UNC5C: variants seen among roughly 807,000 people sequenced by gnomAD.
UNC5C encodes the protein netrin receptor UNC5C.
UNC5C carries 47 observed loss-of-function variants against 99.8 expected under a neutral mutation model. That is an observed-to-expected ratio of 0.47 (90% CI 0.37 to 0.60). UNC5C has a LOEUF of 0.60. Ranked by LOEUF, UNC5C falls within the 20% of genes least tolerant of loss-of-function variation. UNC5C has a pLI of 0.00. For synonymous variants in UNC5C, 487 were observed against 452.2 expected, an observed-to-expected ratio of 1.08 and a Z score of -0.98; for missense variants, 1,062 against 1,165.9, an observed-to-expected ratio of 0.91 and a Z score of 1.30.
intron 1 of UNC5C, among the ~76,000 whole-genome samples, chr4:95,535,322 A>G (rs138086523): frequency 1.3e-5 from 2 of 152,272 alleles, no homozygotes; most frequent in East Asian, 3.9e-4. Flanking sequence ...ATTGGTCCAT[A>G]TGACATTCTT....
chr4:95,457,500 G>A (rs1303449325), intron 1 of UNC5C, among the ~76,000 whole-genome samples: 1 of 152,110 alleles, frequency 6.6e-6, no homozygotes, highest in Non-Finnish European at 1.5e-5. Flanking sequence ...AAGCACAAGA[G>A]ATTCTACTCT....
At chr4:95,474,373 C>A (rs1346633006) in intron 1 of UNC5C, among the ~76,000 whole-genome samples, 1 of 152,138 alleles carries the variant, frequency 6.6e-6, no homozygotes, top group Non-Finnish European at 1.5e-5. Flanking sequence ...TCACTGCAAC[C>A]TCCACCTCCT....
intron 12 of UNC5C, among the ~76,000 whole-genome samples, chr4:95,195,223 C>T (rs1389843154): frequency 6.6e-6 from 1 of 152,112 alleles, no homozygotes; most frequent in Non-Finnish European, 1.5e-5. Context: ...AATTACTGTC[C>T]TAAGAGGTCA....
intron 2 of UNC5C, among the ~76,000 whole-genome samples, chr4:95,322,766 C>T (rs993748959): frequency 2.0e-5 from 3 of 151,540 alleles, no homozygotes; most frequent in Non-Finnish European, 4.4e-5. Context: ...CAGTGAAATG[C>T]CGTCCCTACC....
chr4:95,232,666 A>G (rs2149374026), intron 7 of UNC5C, among the ~76,000 whole-genome samples: 1 of 152,266 alleles, frequency 6.6e-6, no homozygotes. Flanking sequence ...GGTGCTCCGT[A>G]GGTGTTCATT....
At chr4:95,413,051 T>C (rs551312357) in intron 1 of UNC5C, among the ~76,000 whole-genome samples, 2 of 152,262 alleles carry the variant, frequency 1.3e-5, no homozygotes, top group South Asian at 4.1e-4. Flanking sequence ...AACATATTGG[T>C]AAGCAAAGAA....
At chr4:95,267,543 G>A (rs1456429189) in intron 4 of UNC5C, among the ~76,000 whole-genome samples, 1 of 152,156 alleles carries the variant, frequency 6.6e-6, no homozygotes, top group African/African-American at 2.4e-5. Flanking sequence ...ATATCATTAA[G>A]CATTTAGGAA....
intron 4 of UNC5C, among the ~76,000 whole-genome samples, chr4:95,273,864 G>T (rs1042145087): frequency 6.6e-6 from 1 of 152,010 alleles, no homozygotes; most frequent in African/African-American, 2.4e-5. Flanking sequence ...TCAGACTGAT[G>T]GAGTCTGTCA....
rs541554446 is a variant in UNC5C at position 95,412,440 on chromosome 4, TAGACTGGA to T, written c.125-76817_125-76810del. The stretch of plus-strand genomic sequence containing the variant: ...TCTCATGTTAGGTCCCCTCCAATCC[TAGACTGGA>T]AGCTCCTTGAAGGAACTGACCTTTA... On this transcript the variant is annotated intron_variant, in intron 1 of 15. Coordinates refer to ENST00000453304, the MANE Select transcript of UNC5C (RefSeq NM_003728.4). Among the ~76,000 whole-genome samples the T allele has an allele frequency of 1.8e-4, 27 of 152,304 alleles. No homozygotes were observed. In the South Asian group the frequency reaches 5.6e-3, roughly 32 times the overall value.
intron 1 of UNC5C, among the ~76,000 whole-genome samples, chr4:95,547,147 C>T (rs947027557): frequency 6.6e-6 from 1 of 150,738 alleles, no homozygotes; most frequent in African/African-American, 2.4e-5. Flanking sequence ...GTGGAGATTC[C>T]TTTTTAAATA....
At chr4:95,429,228 T>C (rs1746565125) in intron 1 of UNC5C, among the ~76,000 whole-genome samples, 1 of 151,564 alleles carries the variant, frequency 6.6e-6, no homozygotes, top group Non-Finnish European at 1.5e-5. Context: ...GATTTGATTT[T>C]TACTTGCTGG....
chr4:95,301,292 T>C (rs1741865304), intron 3 of UNC5C, among the ~76,000 whole-genome samples: 1 of 148,634 alleles, frequency 6.7e-6, no homozygotes, highest in South Asian at 2.2e-4. Context: ...GCCTCCTGGG[T>C]TCAGGCCATT....
intron 2 of UNC5C, among the ~76,000 whole-genome samples, chr4:95,310,471 G>C (rs774794044): frequency 6.6e-6 from 1 of 152,104 alleles, no homozygotes; most frequent in African/African-American, 2.4e-5. Flanking sequence ...AGAAATATAT[G>C]AGGTGATGTA....
intron 1 of UNC5C, among the ~76,000 whole-genome samples, chr4:95,439,639 T>C (rs1038212255): frequency 1.3e-5 from 2 of 152,178 alleles, no homozygotes; most frequent in Non-Finnish European, 1.5e-5. Flanking sequence ...AAAAGCATCA[T>C]TTCCCAAAGT....
Position 95,392,190 on chromosome 4 carries a change from A to G in UNC5C, c.125-56559T>C, listed in dbSNP as rs1172978463. ...CTGGGTAAGTTTAAAAAATTACCCA[A>G]TTTTTAAGCAAGGATAACTCCCTTC... is the stretch of plus-strand genomic sequence containing the variant. On this transcript the variant is annotated intron_variant, in intron 1 of 15. Coordinates refer to ENST00000453304, the MANE Select transcript of UNC5C (RefSeq NM_003728.4). Among the ~76,000 whole-genome samples, 5 of 152,292 alleles carry G rather than the reference A, an allele frequency of 3.3e-5. No homozygotes were observed. In the East Asian group the frequency reaches 9.6e-4, roughly 29 times the overall value.
chr4:95,186,816 C>T (rs1736850219), intron 12 of UNC5C, among the ~76,000 whole-genome samples: 1 of 152,090 alleles, frequency 6.6e-6, no homozygotes, highest in Non-Finnish European at 1.5e-5. Context: ...CCCGAGCAGT[C>T]AGCCAGCCCC....
At chr4:95,368,518 A>G (rs1034882727) in intron 1 of UNC5C, among the ~76,000 whole-genome samples, 3 of 152,158 alleles carry the variant, frequency 2.0e-5, no homozygotes, top group Non-Finnish European at 4.4e-5. Flanking sequence ...GCTAATGTAT[A>G]TTTATGATGC....
chr4:95,400,672 T>G (rs1426416918), intron 1 of UNC5C, among the ~76,000 whole-genome samples: 1 of 152,134 alleles, frequency 6.6e-6, no homozygotes, highest in African/African-American at 2.4e-5. Flanking sequence ...ATTACAGGCG[T>G]GAGCCACCGC....
In UNC5C at chr4:95,242,596, G is replaced by T. The variant is rs1739367095; in HGVS notation, c.944-3C>A. ...CCATGGCGTCCACCTGCCATCCACT[G>T]CCATGGAAAAAATGCAGCAGGAGGT... On this transcript the variant is annotated splice_region_variant and splice_polypyrimidine_tract_variant and intron_variant, in intron 6 of 15. Coordinates refer to ENST00000453304, the MANE Select transcript of UNC5C (RefSeq NM_003728.4). 6.4e-7 allele frequency: 1 copy of T among 1,563,064 alleles called. No homozygotes were observed. The highest frequency in any genetic ancestry group is 8.7e-7 in the Non-Finnish European group (1 of 1,152,072).
Sources: gnomAD v4.1 joint callset for allele counts (sites outside exome capture counted in the v4.1 genomes callset) on GRCh38, gnomAD v4.1.1 for gene constraint, MANE v1.5 for transcripts, NCBI Gene and HGNC (gene_info 2026-07-23, HGNC 2026-07-21) for gene names.